Variants in LRIT3 observed in about 807,000 individuals in gnomAD.
The protein encoded by LRIT3 is leucine rich repeat, Ig-like and transmembrane domains 3, also known as leucine-rich repeat, immunoglobulin-like domain and transmembrane domain-containing protein 3.
A neutral mutation model predicts 22.6 loss-of-function variants in LRIT3; 14 were observed. The observed-to-expected ratio is 0.62, with a 90% CI of 0.41 to 0.97. LRIT3 has a LOEUF of 0.97. LRIT3 is among the 50% of genes least tolerant of loss of function. The pLI, the probability that LRIT3 is intolerant of heterozygous loss-of-function variation, is 0.00. For synonymous variants in LRIT3, 306 were observed against 304.5 expected (o/e 1.01, Z -0.05); for missense variants, 783 against 803.0 (o/e 0.98, Z 0.30).
chr4:109,857,549 A>G (rs557194178), intron 2 of LRIT3, among the ~76,000 whole-genome samples: 2 of 152,304 alleles, frequency 1.3e-5, no homozygotes, highest in Admixed American at 1.3e-4. Context: ...TCAGGTCCTA[A>G]GTGGGGAACA....
At chr4:109,860,281 A>G (rs560558830) in intron 2 of LRIT3, among the ~76,000 whole-genome samples, 1 of 152,104 alleles carries the variant, frequency 6.6e-6, no homozygotes, top group Admixed American at 6.5e-5. Context: ...CTCTTTTCCT[A>G]TTTGAAATGG....
intron 2 of LRIT3, among the ~76,000 whole-genome samples, chr4:109,854,360 G>T (rs555456264): frequency 6.6e-6 from 1 of 152,232 alleles, no homozygotes; most frequent in Admixed American, 6.5e-5. Context: ...TTGTGAATGG[G>T]AATTCACTCA....
intron 2 of LRIT3, among the ~76,000 whole-genome samples, chr4:109,859,386 T>G (rs1277423443): frequency 1.3e-5 from 2 of 152,156 alleles, no homozygotes; most frequent in Admixed American, 6.5e-5. Context: ...AGATAAGAAT[T>G]TACAATATAG....
intron 2 of LRIT3, among the ~76,000 whole-genome samples, chr4:109,854,924 C>G (rs1734364093): frequency 6.6e-6 from 1 of 152,240 alleles, no homozygotes; most frequent in East Asian, 1.9e-4. Context: ...ATGAAGCCAA[C>G]TTGATTGTGG....
chr4:109,864,297 C>T (rs1442843771), intron 2 of LRIT3, among the ~76,000 whole-genome samples: 1 of 152,158 alleles, frequency 6.6e-6, no homozygotes, highest in Non-Finnish European at 1.5e-5. Context: ...CCCCTTTCCT[C>T]CTCTTAGGCA....
At chr4:109,864,490 C>T (rs1734629979) in intron 2 of LRIT3, among the ~76,000 whole-genome samples, 1 of 152,168 alleles carries the variant, frequency 6.6e-6, no homozygotes, top group Non-Finnish European at 1.5e-5. Context: ...CTACAGCTCA[C>T]AATGCTGACA....
chr4:109,869,946 T>C lies in LRIT3; in HGVS notation c.1197T>C (p.Ala399=). ...TCTCCCCCACATCTTCTTTTTCTGCTTCTACTTTGTCTCCTCCCTCTACTG... is the reference window on the plus strand; with the variant it reads ...TCTCCCCCACATCTTCTTTTTCTGCCTCTACTTTGTCTCCTCCCTCTACTG... ...SSFSPTSSFS[A]STLSPPSTAS... is the part of the protein sequence containing the mutation. The change falls in exon 4 of 4, where the codon GCT becomes GCC. Residue 399 remains alanine, a synonymous_variant. Transcript: ENST00000594814. 2 of 1,614,188 alleles carry C rather than the reference T, an allele frequency of 1.2e-6. No individual in the cohort carries two copies. Among genetic ancestry groups the C allele is most frequent in the South Asian group, 1.1e-5 (1 of 91,084 alleles).
intron 2 of LRIT3, among the ~76,000 whole-genome samples, chr4:109,862,976 G>A (rs959882655): frequency 6.6e-6 from 1 of 152,182 alleles, no homozygotes; most frequent in African/African-American, 2.4e-5. Flanking sequence ...TTACAGGTGT[G>A]AGCCATTGTG....
intron 2 of LRIT3, among the ~76,000 whole-genome samples, chr4:109,865,822 C>A (rs966291630): frequency 3.3e-5 from 5 of 152,156 alleles, no homozygotes; most frequent in African/African-American, 4.8e-5. Flanking sequence ...GGGGGTGAAG[C>A]TTGACAGAAC....
rs1036877303 is a variant in LRIT3, at chr4:109,848,817, G to A, written c.116+500G>A. Among the ~76,000 whole-genome samples the A allele has an allele frequency of 7.9e-5, 12 of 152,170 alleles. 1 individual carries two copies. Among genetic ancestry groups the A allele is most frequent in the Non-Finnish European group, 1.5e-4 (10 of 68,034 alleles). ...TAATAGTTAGAATTTTTCATTTTAA[G>A]CTGATGGAATTTACAAAATAAAGAA... On this transcript the variant is annotated intron_variant, in intron 1 of 3. Coordinates refer to ENST00000594814, the MANE Select transcript of LRIT3 (RefSeq NM_198506.5).
chr4:109,855,482 A>G (rs1734377746), intron 2 of LRIT3, among the ~76,000 whole-genome samples: 1 of 152,132 alleles, frequency 6.6e-6, no homozygotes, highest in Non-Finnish European at 1.5e-5. Flanking sequence ...GATCCTTTCA[A>G]AAAACCAGCT....
At chr4:109,867,552 C>G in intron 2 of LRIT3, 89 bp from the exon 3 acceptor site, 1 of 1,185,824 alleles carries the variant, frequency 8.4e-7, no homozygotes, top group Non-Finnish European at 1.2e-6. Flanking sequence ...TATAGGGAGA[C>G]AGTGTAGATC....
intron 3 of LRIT3, among the ~76,000 whole-genome samples, chr4:109,869,263 G>A (rs1256328672): frequency 6.6e-6 from 1 of 152,132 alleles, no homozygotes; most frequent in East Asian, 1.9e-4. Context: ...AAAATTGAAA[G>A]GGACCTTTGA....
intron 1 of LRIT3, among the ~76,000 whole-genome samples, chr4:109,850,418 C>CTTTCTTTCT (rs1491056843): frequency 3.5e-5 from 1 of 28,228 alleles, no homozygotes; most frequent in Non-Finnish European, 6.5e-5. Flanking sequence ...TTCCTTCCTT[C>CTTTCTTTCT]CTTCCTTTCT....
At chr4:109,849,796 A>G (rs1734165353) in intron 1 of LRIT3, among the ~76,000 whole-genome samples, 1 of 152,128 alleles carries the variant, frequency 6.6e-6, no homozygotes, top group Admixed American at 6.5e-5. Context: ...TATTTTTAGT[A>G]GAGATGGGGT....
intron 2 of LRIT3, among the ~76,000 whole-genome samples, chr4:109,859,159 C>T (rs915602936): frequency 2.6e-4 from 40 of 152,134 alleles, no homozygotes; most frequent in African/African-American, 9.2e-4. Context: ...AATAGACACA[C>T]ACAAGATAGT....
chr4:109,850,403 C>T (rs28483146), intron 1 of LRIT3, among the ~76,000 whole-genome samples: 1,908 of 5,978 alleles, frequency 0.32, 64 homozygotes, highest in African/African-American at 0.42. Flanking sequence ...TCCTTCCTTC[C>T]TTCCTTCCTT....
rs1299771313 is a variant in LRIT3, at chr4:109,865,206, G to A, written c.590-2435G>A. On this transcript the variant is annotated intron_variant, in intron 2 of 3. Coordinates refer to ENST00000594814, the MANE Select transcript of LRIT3 (RefSeq NM_198506.5). Reference sequence around the variant, plus strand: ...CCGATGAGAAAACAGGCTCAGCAAGGTTGCATCACCCAGGTCACAGAATTA... The same window carrying A: ...CCGATGAGAAAACAGGCTCAGCAAGATTGCATCACCCAGGTCACAGAATTA... 2.0e-6 allele frequency: 3 copies of A among 1,496,290 alleles called. No homozygotes were observed. The South Asian group carries it at 3.6e-5, about 18-fold the overall frequency. 92.7% of individuals were successfully genotyped at this position (1,496,290 alleles called of 1,614,324 possible).
chr4:109,869,660 C>T lies in LRIT3; in HGVS notation c.911C>T (p.Pro304Leu), dbSNP rs112980116. Residue 304 changes from proline to leucine, a missense_variant, in exon 4 of 4, where the codon CCA becomes CTA. This residue lies in a region of LRIT3 where 756 missense variants were observed against 753.8 expected (regional missense o/e 1.00). Transcript: ENST00000594814. The part of the protein sequence containing the change: ...PVNYTVIQES[P>L]EEGVRWSIMS... ...TTTCTTCCAGTAATACAAGAATCTCCAGAGGAAGGAGTCAGATGGTCCATA... is the reference window on the plus strand; with the variant it reads ...TTTCTTCCAGTAATACAAGAATCTCTAGAGGAAGGAGTCAGATGGTCCATA... The T allele has an allele frequency of 6.5e-7, 1 of 1,543,280 alleles. No individual in the cohort carries two copies. The highest frequency in any genetic ancestry group is 8.7e-7 in the Non-Finnish European group (1 of 1,146,250).
Sources: gnomAD v4.1 joint callset for allele counts (sites outside exome capture counted in the v4.1 genomes callset) on GRCh38, gnomAD v4.1.1 for gene constraint, gnomAD v4.1.1 regional missense constraint, MANE v1.5 for transcripts, NCBI Gene and HGNC (gene_info 2026-07-23, HGNC 2026-07-21) for gene names.